The following ITGB1BP1 variants were observed in gnomAD, a reference collection of about 807,000 sequenced individuals.
ITGB1BP1 encodes the protein integrin beta-1-binding protein 1.
Under a neutral mutation model 28.0 loss-of-function variants are expected in ITGB1BP1, and 20 were observed. The observed-to-expected ratio is 0.71, with a 90% CI of 0.50 to 1.04. The LOEUF (loss-of-function observed/expected upper bound fraction) is 1.04, where lower values mean the gene tolerates loss of function less well. Ranked by LOEUF, ITGB1BP1 falls within the 50% of genes least tolerant of loss-of-function variation. The probability of loss-of-function intolerance (pLI) is 0.00; values close to 1 mark genes in which losing one functional copy is unlikely to be tolerated. For missense variants in ITGB1BP1, 228 were observed against 242.5 expected, an observed-to-expected ratio of 0.94 and a Z score of 0.40; for synonymous variants, 103 against 89.5, an observed-to-expected ratio of 1.15 and a Z score of -0.85.
intron 2 of ITGB1BP1, among the ~76,000 whole-genome samples, chr2:9,418,024 T>C (rs1162081127): frequency 1.3e-5 from 2 of 152,332 alleles, no homozygotes; most frequent in South Asian, 2.1e-4. Flanking sequence ...AGAAATAAAA[T>C]TGCCATTCTT....
chr2:9,407,898 G>GT (rs1156352117), intron 5 of ITGB1BP1: 2 of 460,668 alleles, frequency 4.3e-6, no homozygotes, highest in Non-Finnish European at 7.7e-6. Context: ...GTTTGGGGGT[G>GT]GGGGGGGCAG....
chr2:9,405,282 A>G lies in ITGB1BP1; in HGVS notation c.*1552T>C, dbSNP rs1558412134. ...TTATTTGCTCCTTGCAAATTAAAAA[A>G]GCAACTAAGAGAAAGAAAAACATTG... is the stretch of plus-strand genomic sequence containing the variant. On this transcript the variant is annotated 3_prime_UTR_variant, in exon 7 of 7. Coordinates refer to ENST00000355346, the MANE Select transcript of ITGB1BP1 (RefSeq NM_004763.5). 6.6e-6 allele frequency: 1 copy of G among 152,294 alleles called. No individual in the cohort carries two copies. Among genetic ancestry groups the G allele is most frequent in the African/African-American group, 2.4e-5 (1 of 41,470 alleles). 9.4% of individuals were successfully genotyped at this position (152,294 alleles called of 1,614,324 possible).
At chr2:9,407,886 G>T (rs1677744648) in intron 5 of ITGB1BP1, 3 of 531,054 alleles carry the variant, frequency 5.6e-6, no homozygotes, top group Non-Finnish European at 6.8e-6. Context: ...AGCCATCTGT[G>T]TGTTTGGGGG....
intron 2 of ITGB1BP1, among the ~76,000 whole-genome samples, chr2:9,416,710 C>T (rs73913107): frequency 0.06 from 9,188 of 152,232 alleles, 933 homozygotes; most frequent in African/African-American, 0.21. Context: ...TTTAGGCCTA[C>T]AACCTCCCCA....
chr2:9,414,877 A>G (rs1184311076), intron 2 of ITGB1BP1, among the ~76,000 whole-genome samples: 1 of 152,206 alleles, frequency 6.6e-6, no homozygotes, highest in African/African-American at 2.4e-5. Context: ...AAAAACAACA[A>G]AACTGTTGAG....
intron 2 of ITGB1BP1, among the ~76,000 whole-genome samples, chr2:9,418,402 C>T (rs1262518642): frequency 6.6e-6 from 1 of 152,172 alleles, no homozygotes; most frequent in Non-Finnish European, 1.5e-5. Flanking sequence ...TAGGTCATGT[C>T]CCATCTAGTT....
chr2:9,416,413 C>G (rs534805500), intron 2 of ITGB1BP1, among the ~76,000 whole-genome samples: 2 of 152,038 alleles, frequency 1.3e-5, no homozygotes, highest in African/African-American at 2.4e-5. Context: ...ACCGTGTGGG[C>G]GGGCCTCATC....
At chr2:9,417,281 T>G (rs1350923875) in intron 2 of ITGB1BP1, among the ~76,000 whole-genome samples, 3 of 152,018 alleles carry the variant, frequency 2.0e-5, no homozygotes, top group Non-Finnish European at 4.4e-5. Context: ...CATGGGCCTT[T>G]GCTCTCTCCT....
At chr2:9,418,189 T>G (rs1426476438) in intron 2 of ITGB1BP1, among the ~76,000 whole-genome samples, 1 of 152,210 alleles carries the variant, frequency 6.6e-6, no homozygotes, top group Non-Finnish European at 1.5e-5. Context: ...AACGGTTTGT[T>G]TTGCATGAAT....
rs1175619445 is a variant in ITGB1BP1, at chr2:9,407,499, C to G, written c.481G>C (p.Asp161His). 2 of 1,614,066 alleles carry G rather than the reference C, an allele frequency of 1.2e-6. No homozygotes were observed. The highest frequency in any genetic ancestry group is 1.7e-6 in the Non-Finnish European group (2 of 1,180,038). ...GKSLLALKTT[D>H]ASNEEYSLWV... ...AGGCTGTATTCCTCATTGCTTGCAT[C>G]TGTGGTCTTCAGAGCCAGTAAGCTT... The change falls in exon 6 of 7, where the codon GAT becomes CAT. Residue 161 changes from aspartate to histidine, a missense_variant. Asp to His is a moderately conservative substitution (Grantham distance 81). Transcript: ENST00000355346.
chr2:9,421,795 C>T (rs1483868170), intron 1 of ITGB1BP1, among the ~76,000 whole-genome samples: 1 of 152,140 alleles, frequency 6.6e-6, no homozygotes, highest in Non-Finnish European at 1.5e-5. Context: ...CAAGCTGAAC[C>T]CATCATCCTC....
intron 2 of ITGB1BP1, among the ~76,000 whole-genome samples, chr2:9,418,113 T>C (rs1679370411): frequency 6.6e-6 from 1 of 152,224 alleles, no homozygotes; most frequent in Admixed American, 6.5e-5. Context: ...ATTGAAAAAT[T>C]ATCTGTCAGT....
Position 9,404,454 on chromosome 2 carries a change from G to GATT in ITGB1BP1, c.*2377_*2379dup, listed in dbSNP as rs1677019376. 1 of 152,166 alleles carries GATT rather than the reference G, an allele frequency of 6.6e-6. No homozygotes were observed. Among genetic ancestry groups the GATT allele is most frequent in the Admixed American group, 6.5e-5 (1 of 15,280 alleles). 9.4% of individuals were successfully genotyped at this position (152,166 alleles called of 1,614,324 possible). A position where few individuals can be genotyped will look rare whatever the true frequency, so the allele number is the denominator to read the frequency against. On this transcript the variant is annotated 3_prime_UTR_variant, in exon 7 of 7. Coordinates refer to ENST00000355346, the MANE Select transcript of ITGB1BP1 (RefSeq NM_004763.5). ...TAAGCTACTTGGGGTGGTAGTAGAGGATTAGGTTGTCTATTATAAAACCAA... is the reference window on the plus strand; with the variant it reads ...TAAGCTACTTGGGGTGGTAGTAGAGGATTATTAGGTTGTCTATTATAAAACCAA...
chr2:9,423,547 C>T (rs1055650179), upstream of ITGB1BP1: 7 of 1,151,444 alleles, frequency 6.1e-6, no homozygotes, highest in East Asian at 1.3e-4. Context: ...GCAGTCCTGA[C>T]GTCCTACCCC....
rs1677466696 is a variant in ITGB1BP1 at position 9,406,875 on chromosome 2, A to G, written c.562T>C (p.Ser188Pro). ...EQAQAICKVL[S>P]TAFDSVLTSE... Reference sequence around the variant, plus strand: ...GTTAATACAGAGTCAAAAGCGGTGGATAAAACCTTGCAAATGGCTTGTGCT... The same window carrying G: ...GTTAATACAGAGTCAAAAGCGGTGGGTAAAACCTTGCAAATGGCTTGTGCT... The change falls in exon 7 of 7, where the codon TCC becomes CCC. Residue 188 changes from serine to proline, a missense_variant. Around this residue, in one of 2 missense-constraint regions of ITGB1BP1, gnomAD observed 192 missense variants for 181.6 expected, o/e 1.06. Coordinates refer to ENST00000355346, the MANE Select transcript of ITGB1BP1 (RefSeq NM_004763.5). The G allele has an allele frequency of 6.2e-7, 1 of 1,613,458 alleles. No individual in the cohort carries two copies. The highest frequency in any genetic ancestry group is 8.5e-7 in the Non-Finnish European group (1 of 1,179,358).
rs769716068 is a variant in ITGB1BP1 at position 9,418,704 on chromosome 2, C to T, written c.-7G>A. On this transcript the variant is annotated 5_prime_UTR_variant, in exon 2 of 7. The change creates a new upstream start codon in the 5' untranslated region. Coordinates refer to ENST00000355346, the MANE Select transcript of ITGB1BP1 (RefSeq NM_004763.5). ...TTTTGCCCTTGCGAAACATTTTTCA[C>T]CACCATTGCTTGATCCAGAGAAGAT... The T allele has an allele frequency of 6.2e-7, 1 of 1,613,712 alleles. No homozygotes were observed. The highest frequency in any genetic ancestry group is 8.5e-7 in the Non-Finnish European group (1 of 1,179,742).
intron 4 of ITGB1BP1, among the ~76,000 whole-genome samples, chr2:9,411,679 C>T (rs1283456533): frequency 6.6e-6 from 1 of 151,202 alleles, no homozygotes; most frequent in Non-Finnish European, 1.5e-5. Flanking sequence ...GCCGAGATTG[C>T]ACCACTGCAC....
chr2:9,407,310 C>T (rs761484886), intron 6 of ITGB1BP1, 139 bp downstream of exon 6: 22 of 958,364 alleles, frequency 2.3e-5, no homozygotes, highest in Admixed American at 2.0e-4. Context: ...GGCTGACCTC[C>T]GGCCTAATAT....
At chr2:9,412,142 G>T in intron 4 of ITGB1BP1, 127 bp downstream of exon 4, 1 of 744,690 alleles carries the variant, frequency 1.3e-6, no homozygotes, top group Non-Finnish European at 2.3e-6. Context: ...TGGTGATGCG[G>T]GGACTTCAGT....
Sources: allele counts gnomAD v4.1 joint callset (sites outside exome capture counted in the v4.1 genomes callset), GRCh38; gene constraint gnomAD v4.1.1; regional missense constraint gnomAD v4.1.1; transcripts MANE v1.5; gene names NCBI Gene and HGNC (gene_info 2026-07-23, HGNC 2026-07-21).